The following NXPE2 variants were observed in gnomAD, a reference collection of about 807,000 sequenced individuals.
NXPE2 encodes the protein NXPE family member 2.
NXPE2 carries 34 observed loss-of-function variants against 34.4 expected under a neutral mutation model. That is an observed-to-expected ratio of 0.99 (90% CI 0.75 to 1.31). The LOEUF (loss-of-function observed/expected upper bound fraction) is 1.31. Among genes scored for constraint, NXPE2 ranks in the 40% most tolerant of loss-of-function variants. NXPE2 has a pLI of 0.00. For missense variants in NXPE2, 649 were observed against 672.5 expected (o/e 0.97, Z 0.39); for synonymous variants, 235 against 231.3 (o/e 1.02, Z -0.15).
At chr11:114,633,162 A>C in the NXPE2 span, among the ~76,000 whole-genome samples, 2 of 127,014 alleles carry the variant, frequency 1.6e-5, no homozygotes, top group Non-Finnish European at 3.1e-5. Flanking sequence ...TTGGTATTTT[A>C]TTTTATATAA....
At chr11:114,595,812 G>A in the NXPE2 span, 1 of 152,268 alleles carries the variant, frequency 6.6e-6, no homozygotes, top group Non-Finnish European at 1.5e-5. Flanking sequence ...TCCACCTTAA[G>A]GAGGGGCCTG....
intron 2 of NXPE2, among the ~76,000 whole-genome samples, chr11:114,685,259 C>T (rs1438448920): frequency 2.0e-5 from 3 of 152,248 alleles, no homozygotes; most frequent in African/African-American, 7.2e-5. Context: ...GAATGGCTTA[C>T]AAGCAATATA....
chr11:114,781,052 A>C, the NXPE2 span, among the ~76,000 whole-genome samples: 1 of 152,256 alleles, frequency 6.6e-6, no homozygotes, highest in South Asian at 2.1e-4. Context: ...GTATGGAGTG[A>C]TGGGATTAGT....
the NXPE2 span, among the ~76,000 whole-genome samples, chr11:114,611,442 C>T: frequency 2.0e-5 from 3 of 151,286 alleles, no homozygotes; most frequent in South Asian, 6.3e-4. Context: ...ATCACTGTTA[C>T]CCAGTGGATA....
chr11:114,516,204 A>T, the NXPE2 span, among the ~76,000 whole-genome samples: 3,138 of 152,172 alleles, frequency 0.021, 114 homozygotes, highest in African/African-American at 0.072. Flanking sequence ...CTTGAATGCA[A>T]TCCTAGGGTT....
At chr11:114,472,352 C>G in the NXPE2 span, among the ~76,000 whole-genome samples, 1 of 151,954 alleles carries the variant, frequency 6.6e-6, no homozygotes, top group Non-Finnish European at 1.5e-5. Flanking sequence ...TCTTGGGCCA[C>G]ACATAAAATA....
the NXPE2 span, among the ~76,000 whole-genome samples, chr11:114,712,783 G>A: frequency 5.9e-5 from 9 of 152,258 alleles, no homozygotes; most frequent in Admixed American, 4.6e-4. Context: ...TATTCACAAA[G>A]CAAAGTGAAT....
chr11:114,597,264 G>GA, the NXPE2 span, among the ~76,000 whole-genome samples: 1 of 151,706 alleles, frequency 6.6e-6, no homozygotes, highest in Non-Finnish European at 1.5e-5. Flanking sequence ...GGAAAAGGAG[G>GA]AAAAAAAGAA....
the NXPE2 span, among the ~76,000 whole-genome samples, chr11:114,662,061 C>T: frequency 6.6e-6 from 1 of 152,082 alleles, no homozygotes; most frequent in African/African-American, 2.4e-5. Context: ...ACTATCGACA[C>T]AAAAGAAGCA....
the NXPE2 span, among the ~76,000 whole-genome samples, chr11:114,608,255 GT>G: frequency 6.6e-6 from 1 of 151,216 alleles, no homozygotes; most frequent in East Asian, 2.0e-4. Flanking sequence ...GTGTATAAAA[GT>G]TTTGCCTTGT....
the NXPE2 span, among the ~76,000 whole-genome samples, chr11:114,810,838 G>A: frequency 2.0e-5 from 3 of 152,100 alleles, no homozygotes; most frequent in Admixed American, 6.5e-5. Context: ...CCATTACTGG[G>A]TATATACCCA....
chr11:114,666,220 C>T, the NXPE2 span, among the ~76,000 whole-genome samples: 5 of 152,218 alleles, frequency 3.3e-5, no homozygotes, highest in East Asian at 1.9e-4. Flanking sequence ...CCTTTGCTAC[C>T]GTATAGCAGA....
the NXPE2 span, among the ~76,000 whole-genome samples, chr11:114,806,540 A>C: frequency 6.6e-6 from 1 of 152,042 alleles, no homozygotes; most frequent in East Asian, 1.9e-4. Flanking sequence ...CGAGAGCTAC[A>C]TGACGAATGC....
At chr11:114,782,992 TA>T in the NXPE2 span, among the ~76,000 whole-genome samples, 1 of 152,220 alleles carries the variant, frequency 6.6e-6, no homozygotes, top group Non-Finnish European at 1.5e-5. Flanking sequence ...GTTTGCTTGT[TA>T]AAAACGCATA....
chr11:114,494,656 CTCTG>C, the NXPE2 span, among the ~76,000 whole-genome samples: 1 of 152,108 alleles, frequency 6.6e-6, no homozygotes, highest in Non-Finnish European at 1.5e-5. Context: ...GTTTTGAATT[CTCTG>C]TCTGAAAGGT....
the NXPE2 span, among the ~76,000 whole-genome samples, chr11:114,627,935 A>T: frequency 7.2e-5 from 11 of 152,092 alleles, no homozygotes; most frequent in African/African-American, 2.7e-4. Context: ...GCCATTATTT[A>T]ATGGTAAAGG....
the NXPE2 span, among the ~76,000 whole-genome samples, chr11:114,809,409 T>C: frequency 6.6e-6 from 1 of 151,392 alleles, no homozygotes; most frequent in Non-Finnish European, 1.5e-5. Context: ...AAATTGTCCC[T>C]GTTTGCAGAT....
the NXPE2 span, chr11:114,522,245 C>A: frequency 1.2e-6 from 2 of 1,614,072 alleles, no homozygotes; most frequent in Non-Finnish European, 1.7e-6. Flanking sequence ...CTTTTGAACA[C>A]CGATGGCCCT....
intron 3 of NXPE2, among the ~76,000 whole-genome samples, chr11:114,702,598 A>C (rs539440655): frequency 2.0e-5 from 3 of 152,328 alleles, no homozygotes; most frequent in South Asian, 2.1e-4. Context: ...CCTCAGTAAA[A>C]TACTCTGGAG....
Sources: allele counts gnomAD v4.1 joint callset (sites outside exome capture counted in the v4.1 genomes callset), GRCh38; gene constraint gnomAD v4.1.1; transcripts MANE v1.5; gene names NCBI Gene and HGNC (gene_info 2026-07-23, HGNC 2026-07-21).